The following IST1 variants were observed in gnomAD, a reference collection of about 807,000 sequenced individuals.
IST1 encodes IST1 homolog.
A neutral mutation model predicts 37.0 loss-of-function variants in IST1; 23 were observed. The ratio of observed to expected loss-of-function variants is 0.62; its 90% CI spans 0.45 to 0.88. The LOEUF is 0.88. Among genes scored for constraint, IST1 ranks in the 40% least tolerant of loss-of-function variants. The probability of loss-of-function intolerance (pLI) is 0.00; values close to 1 mark genes in which losing one functional copy is unlikely to be tolerated. For synonymous variants in IST1, 180 were observed against 161.7 expected (o/e 1.11, Z -0.86); for missense variants, 488 against 445.4 (o/e 1.10, Z -0.86).
In IST1 at chr16:71,922,583, TTGG is replaced by T. The variant is rs2037625566; in HGVS notation, c.666_668del (p.Gly223del). The T allele has an allele frequency of 6.2e-7, 1 of 1,613,692 alleles. No individual in the cohort carries two copies. The highest frequency in any genetic ancestry group is 2.2e-5 in the East Asian group (1 of 44,850). On this transcript the variant is annotated inframe_deletion, in exon 7 of 10. Coordinates refer to ENST00000378799, the MANE Select transcript of IST1 (RefSeq NM_001270975.2). The stretch of plus-strand genomic sequence containing the variant: ...GGGAGTGGTGGCTTCACAGCACCAG[TTGG>T]TGGACCTGATGGAACGGTGCCAATG...
At chr16:71,899,975 C>T (rs968922126) in intron 1 of IST1, among the ~76,000 whole-genome samples, 4 of 134,642 alleles carry the variant, frequency 3.0e-5, no homozygotes, top group Non-Finnish European at 6.1e-5. Context: ...CTAGCCTCGG[C>T]GACAGAACAA....
At chr16:71,920,195 C>G (rs1243380670) in intron 4 of IST1, among the ~76,000 whole-genome samples, 1 of 152,148 alleles carries the variant, frequency 6.6e-6, no homozygotes, top group Non-Finnish European at 1.5e-5. Flanking sequence ...CTAACATTCC[C>G]AAATAAGGAA....
chr16:71,903,428 C>T (rs1267348629), intron 1 of IST1, among the ~76,000 whole-genome samples: 1 of 152,042 alleles, frequency 6.6e-6, no homozygotes, highest in African/African-American at 2.4e-5. Flanking sequence ...TCTCTTTGAC[C>T]TCCAAGCAGT....
Position 71,924,873 on chromosome 16 carries a change from T to A in IST1, c.901+56T>A, listed in dbSNP as rs947253170. On this transcript the variant is annotated intron_variant, in intron 9 of 9. Transcript: ENST00000378799. The stretch of plus-strand genomic sequence containing the variant: ...CTCAGTGCTGAACCCTCTGCTGTTT[T>A]CTCATTATTGTTCCTCCCTTAGAGA... 10 of 1,223,140 alleles carry A rather than the reference T, an allele frequency of 8.2e-6. No individual in the cohort carries two copies. The African/African-American group carries it at 1.5e-4, about 18-fold the overall frequency. 75.8% of individuals were successfully genotyped at this position (1,223,140 alleles called of 1,614,324 possible). A position where few individuals can be genotyped will look rare whatever the true frequency, so the allele number is the denominator to read the frequency against.
intron 7 of IST1, chr16:71,923,024 T>G (rs972212796): frequency 4.0e-5 from 19 of 470,426 alleles, no homozygotes; most frequent in African/African-American, 3.4e-4. Context: ...AAGATGGTCA[T>G]TGGTAGTAAG....
chr16:71,922,169 C>G (rs1221534741), intron 6 of IST1, among the ~76,000 whole-genome samples: 1 of 151,988 alleles, frequency 6.6e-6, no homozygotes, highest in Non-Finnish European at 1.5e-5. Context: ...CAGTTAAGGT[C>G]AGTGGGGTGT....
chr16:71,921,521 A>ACC (rs1555510706), intron 6 of IST1, 68 bp downstream of exon 6: 13 of 844,354 alleles, frequency 1.5e-5, no homozygotes, highest in Non-Finnish European at 2.4e-5. Context: ...AAACAAAAAA[A>ACC]ACATTCTTTG....
At chr16:71,914,842 T>A (rs749795701) in intron 1 of IST1, among the ~76,000 whole-genome samples, 4 of 152,188 alleles carry the variant, frequency 2.6e-5, no homozygotes, top group Non-Finnish European at 5.9e-5. Flanking sequence ...AGAATTTAAA[T>A]TTAGAGAAAT....
rs1459050240 is a variant in IST1, at chr16:71,922,573, A to C, written c.652A>C (p.Thr218Pro). Residue 218 changes from threonine (T) to proline (P), a missense_variant, in exon 7 of 10, where the codon ACA becomes CCA. Physicochemically the swap from Thr to Pro is conservative, Grantham distance 38. Coordinates refer to ENST00000378799, the MANE Select transcript of IST1 (RefSeq NM_001270975.2). ...TGGAAGAGGAGGGAGTGGTGGCTTCACAGCACCAGTTGGTGGACCTGATGG... is the reference window on the plus strand; with the variant it reads ...TGGAAGAGGAGGGAGTGGTGGCTTCCCAGCACCAGTTGGTGGACCTGATGG... ...GPGRGGSGGFTAPVGGPDGTV... is the reference protein window; with the variant it reads ...GPGRGGSGGFPAPVGGPDGTV... 7 of 1,613,972 alleles carry C rather than the reference A, an allele frequency of 4.3e-6. 1 individual carries two copies. The South Asian group carries it at 5.5e-5, about 13-fold the overall frequency.
intron 1 of IST1, chr16:71,903,783 A>T (rs953460189): frequency 6.6e-6 from 1 of 152,366 alleles, no homozygotes; most frequent in South Asian, 2.1e-4. Context: ...TGTTGGGTGT[A>T]ATGTTCTGTA....
chr16:71,904,240 C>G (rs940246682), intron 1 of IST1, among the ~76,000 whole-genome samples: 13 of 152,242 alleles, frequency 8.5e-5, no homozygotes, highest in African/African-American at 3.1e-4. Context: ...TTTCCTGCCT[C>G]AGCCTCCCAA....
rs1179552994 is a variant in IST1 at position 71,922,658 on chromosome 16, C to T, written c.737C>T (p.Ser246Leu). Residue 246 changes from serine to leucine, a missense_variant, in exon 7 of 10, where the codon TCA becomes TTA. Transcript: ENST00000378799. ...ATGCCATCTGCAAATACGCCTTTCT[C>T]ATATCCACTGCCAAAGGGACCAGTA... ...MPMPSANTPF[S>L]YPLPKGPSDF... The T allele has an allele frequency of 6.8e-6, 11 of 1,610,530 alleles. No homozygotes were observed. The highest frequency in any genetic ancestry group is 9.3e-6 in the Non-Finnish European group (11 of 1,179,098).
intron 8 of IST1, 183 bp downstream of exon 8, chr16:71,923,563 G>A: frequency 2.2e-6 from 1 of 447,420 alleles, no homozygotes; most frequent in South Asian, 3.1e-5. Context: ...GGTGATGGCA[G>A]TATCATTGGT....
In IST1 at chr16:71,915,646, G is replaced by A; in HGVS notation, c.6G>A (p.Leu2=). Residue 2 remains leucine, a synonymous_variant, in exon 2 of 10, where the codon CTG becomes CTA. Transcript: ENST00000378799. M[L]GSGFKAERLR... ...TCTAGGAGGAACAGCACAGCATGCT[G>A]GGCTCTGGATTTAAAGCTGAGCGCT... The A allele has an allele frequency of 6.2e-7, 1 of 1,611,624 alleles. No homozygotes were observed. The highest frequency in any genetic ancestry group is 2.2e-5 in the East Asian group (1 of 44,848).
intron 1 of IST1, among the ~76,000 whole-genome samples, chr16:71,904,136 T>G (rs566119675): frequency 1.4e-4 from 21 of 152,260 alleles, no homozygotes; most frequent in South Asian, 4.1e-4. Context: ...TGGTGGTGGT[T>G]GTTTTGAGAC....
At chr16:71,912,052 C>T (rs188559635) in intron 1 of IST1, among the ~76,000 whole-genome samples, 7 of 152,044 alleles carry the variant, frequency 4.6e-5, no homozygotes, top group South Asian at 2.1e-4. Flanking sequence ...TGCCAATTTA[C>T]GTTTCCAGCA....
intron 4 of IST1, 60 bp downstream of exon 4, chr16:71,917,194 A>G (rs536262414): frequency 2.0e-6 from 2 of 985,568 alleles, no homozygotes; most frequent in African/African-American, 3.2e-5. Context: ...AAGGTTGGTT[A>G]ATATAAGTTA....
At chr16:71,900,640 A>AACATT (rs1179114755) in intron 1 of IST1, among the ~76,000 whole-genome samples, 2 of 147,012 alleles carry the variant, frequency 1.4e-5, no homozygotes, top group African/African-American at 5.1e-5. Context: ...ACACTAATAA[A>AACATT]AATAATGGTG....
Position 71,916,572 on chromosome 16 carries a change from G to C in IST1, c.199G>C (p.Glu67Gln). ...CATTATCCGGGAAGACTACCTCGTG[G>C]AGGCCATGGAGATCCTGGAGCTGTA... ...EHIIREDYLVEAMEILELYCD... is the reference protein window; with the variant it reads ...EHIIREDYLVQAMEILELYCD... The change falls in exon 3 of 10, where the codon GAG (glutamate) becomes CAG (glutamine). Residue 67 changes from glutamate (E) to glutamine (Q), a missense_variant. Transcript: ENST00000378799. The C allele has an allele frequency of 1.9e-6, 3 of 1,614,056 alleles. No homozygotes were observed.
Sources: gnomAD v4.1 joint callset for allele counts (sites outside exome capture counted in the v4.1 genomes callset) on GRCh38, gnomAD v4.1.1 for gene constraint, MANE v1.5 for transcripts, NCBI Gene and HGNC (gene_info 2026-07-23, HGNC 2026-07-21) for gene names.